The following UNC93A variants were observed in gnomAD, a reference collection of about 807,000 sequenced individuals.
The protein encoded by UNC93A is N-acetylglucosamine transporter UNC93A.
Under a neutral mutation model 47.5 loss-of-function variants are expected in UNC93A, and 43 were observed. That is an observed-to-expected ratio of 0.91 (90% CI 0.71 to 1.17). The LOEUF (loss-of-function observed/expected upper bound fraction) is 1.17. Ranked by LOEUF, UNC93A falls within the 50% of genes most tolerant of loss-of-function variation. The probability of loss-of-function intolerance (pLI) is 0.00; values close to 1 mark genes in which losing one functional copy is unlikely to be tolerated. For missense variants in UNC93A, 605 were observed against 577.6 expected, an observed-to-expected ratio of 1.05 and a Z score of -0.49; for synonymous variants, 280 against 258.0, an observed-to-expected ratio of 1.09 and a Z score of -0.82.
rs770382358 is a variant in UNC93A, at chr6:167,307,906, C to T, written c.1104C>T (p.Asn368=). The change falls in exon 7 of 8, where the codon AAC becomes AAT. Residue 368 remains asparagine, a synonymous_variant. Coordinates refer to ENST00000230256, the MANE Select transcript of UNC93A (RefSeq NM_018974.4). ...GVADAVWQTQ[N]NALYGVLFEK... ...CAGATGCCGTCTGGCAGACACAAAA[C>T]AATGGTGAGTCCCCAGCCCAGGCCC... is the stretch of plus-strand genomic sequence containing the variant. The T allele has an allele frequency of 2.5e-6, 4 of 1,613,476 alleles. No homozygotes were observed. In the Admixed American group the frequency reaches 5.0e-5, roughly 20 times the overall value.
At position 167,315,264 on chromosome 6, in the gene UNC93A, G is replaced by C; in HGVS notation, c.1186G>C (p.Val396Leu). ...CCGCCTGTGGGAGGCCCTGGGCTTC[G>C]TCATTGCCTTCGGGTACAGCATGTT... is the stretch of plus-strand genomic sequence containing the variant. Reference protein sequence around the residue: ...NYRLWEALGFVIAFGYSMFLC... With the variant: ...NYRLWEALGFLIAFGYSMFLC... Residue 396 changes from valine to leucine, a missense_variant, in exon 8 of 8, where the codon GTC becomes CTC. Transcript: ENST00000230256. 1 of 1,613,752 alleles carries C rather than the reference G, an allele frequency of 6.2e-7. No individual in the cohort carries two copies. The highest frequency in any genetic ancestry group is 1.3e-5 in the African/African-American group (1 of 74,964).
chr6:167,282,211 C>T (rs1783645802), intron 1 of UNC93A, among the ~76,000 whole-genome samples: 1 of 151,968 alleles, frequency 6.6e-6, no homozygotes, highest in South Asian at 2.1e-4. Flanking sequence ...GACCAGGAAA[C>T]ATTTTCAATG....
chr6:167,310,571 G>A (rs577280253), intron 7 of UNC93A, among the ~76,000 whole-genome samples: 1 of 152,336 alleles, frequency 6.6e-6, no homozygotes, highest in Admixed American at 6.5e-5. Context: ...ACAGGAAAAA[G>A]TAATTTTTTT....
intron 7 of UNC93A, among the ~76,000 whole-genome samples, chr6:167,312,188 G>A (rs1472220126): frequency 4.6e-5 from 7 of 151,916 alleles, no homozygotes; most frequent in African/African-American, 1.4e-4. Flanking sequence ...GTGGGTTTGC[G>A]GAGGACAGCT....
At chr6:167,278,157 G>A (rs1783574494) in intron 1 of UNC93A, among the ~76,000 whole-genome samples, 1 of 152,196 alleles carries the variant, frequency 6.6e-6, no homozygotes, top group South Asian at 2.1e-4. Flanking sequence ...AAAGGAAAAA[G>A]GGACACATTA....
At chr6:167,294,022 G>A (rs1207823824) in intron 1 of UNC93A, among the ~76,000 whole-genome samples, 4 of 152,198 alleles carry the variant, frequency 2.6e-5, no homozygotes, top group African/African-American at 9.7e-5. Flanking sequence ...ACAGTGACGG[G>A]CACTCGGAGG....
chr6:167,305,888 G>A (rs780738201), intron 5 of UNC93A, 27 bp from the exon 6 acceptor site: 4 of 1,613,796 alleles, frequency 2.5e-6, no homozygotes, highest in Non-Finnish European at 3.4e-6. Flanking sequence ...GAGCGTCCAT[G>A]ACGTGGCTCT....
rs563514517 is a variant in UNC93A at position 167,298,681 on chromosome 6, T to G, written c.625+611T>G. On this transcript the variant is annotated intron_variant, in intron 4 of 7. Transcript: ENST00000230256. ...AAGTTAATTGTCATGACGAGGCTCA[T>G]TCTTAGAAGTTCATTTTAATAGAGA... is the stretch of plus-strand genomic sequence containing the variant. Among the ~76,000 whole-genome samples the G allele has an allele frequency of 2.6e-4, 40 of 152,334 alleles. 1 individual carries two copies. Among genetic ancestry groups the G allele is most frequent in the African/African-American group, 9.6e-4 (40 of 41,564 alleles).
At chr6:167,300,472 G>C (rs1047368307) in intron 4 of UNC93A, among the ~76,000 whole-genome samples, 1 of 152,102 alleles carries the variant, frequency 6.6e-6, no homozygotes, top group African/African-American at 2.4e-5. Context: ...GCTCAGGGGG[G>C]AGGCTGGACG....
chr6:167,305,887 T>C, intron 5 of UNC93A, 28 bp from the exon 6 acceptor site: 1 of 1,613,914 alleles, frequency 6.2e-7, no homozygotes, highest in Non-Finnish European at 8.5e-7. Context: ...GGAGCGTCCA[T>C]GACGTGGCTC....
chr6:167,304,339 G>A (rs539217744), intron 5 of UNC93A, among the ~76,000 whole-genome samples: 1 of 152,290 alleles, frequency 6.6e-6, no homozygotes, highest in East Asian at 1.9e-4. Context: ...ACTCACAGGA[G>A]CTTCCACTTC....
At chr6:167,286,417 G>C (rs1328910500), upstream of UNC93A, among the ~76,000 whole-genome samples, 3 of 152,212 alleles carry the variant, frequency 2.0e-5, no homozygotes, top group Non-Finnish European at 4.4e-5. Context: ...AAACAAACGG[G>C]GAAAATGCCT....
intron 1 of UNC93A, among the ~76,000 whole-genome samples, chr6:167,276,316 G>GGAT (rs113452441): frequency 0.065 from 9,891 of 152,028 alleles, 617 homozygotes; most frequent in African/African-American, 0.17. Context: ...ATGAATGTGG[G>GGAT]GCAGATGTCT....
chr6:167,297,014 G>A (rs1004417543), intron 3 of UNC93A, among the ~76,000 whole-genome samples: 3 of 152,140 alleles, frequency 2.0e-5, no homozygotes, highest in Non-Finnish European at 2.9e-5. Context: ...TTTCTCATGC[G>A]ATGTCATGCC....
At chr6:167,293,520 A>G (rs1777951391) in intron 1 of UNC93A, among the ~76,000 whole-genome samples, 2 of 152,104 alleles carry the variant, frequency 1.3e-5, no homozygotes, top group Non-Finnish European at 2.9e-5. Context: ...TTCAGATAGA[A>G]GTGACTCAGG....
chr6:167,313,229 T>C (rs1778605890), intron 7 of UNC93A, among the ~76,000 whole-genome samples: 1 of 152,192 alleles, frequency 6.6e-6, no homozygotes, highest in African/African-American at 2.4e-5. Flanking sequence ...CTGGGGAACC[T>C]ACTGTCTCCC....
At chr6:167,297,492 G>T (rs968184464) in intron 3 of UNC93A, among the ~76,000 whole-genome samples, 1 of 152,138 alleles carries the variant, frequency 6.6e-6, no homozygotes, top group Admixed American at 6.5e-5. Context: ...CAGAACTAAC[G>T]TTAGTTTTCA....
upstream of UNC93A, among the ~76,000 whole-genome samples, chr6:167,291,009 G>A (rs1447979061): frequency 6.6e-6 from 1 of 152,168 alleles, no homozygotes. Flanking sequence ...TGAACTATGT[G>A]TCTTGAAGTT....
intron 7 of UNC93A, among the ~76,000 whole-genome samples, chr6:167,308,611 G>T (rs1778469118): frequency 1.3e-5 from 2 of 152,034 alleles, no homozygotes; most frequent in South Asian, 4.2e-4. Flanking sequence ...CCAAGGCCTT[G>T]CTGGGGCTGG....
Sources: gnomAD v4.1 joint callset for allele counts (sites outside exome capture counted in the v4.1 genomes callset) on GRCh38, gnomAD v4.1.1 for gene constraint, MANE v1.5 for transcripts, NCBI Gene and HGNC (gene_info 2026-07-23, HGNC 2026-07-21) for gene names.